Variants in VPS26A observed in about 807,000 individuals in gnomAD.
VPS26A encodes the protein vacuolar protein sorting-associated protein 26A.
In VPS26A, 22 loss-of-function variants were observed where a neutral mutation model predicts 42.4. That is an observed-to-expected ratio of 0.52 (90% CI 0.37 to 0.74). The LOEUF (loss-of-function observed/expected upper bound fraction) is 0.74, where lower values mean the gene tolerates loss of function less well. VPS26A is among the 30% of genes least tolerant of loss of function. The pLI is 0.00. For missense variants in VPS26A, 276 were observed against 379.2 expected (o/e 0.73, Z 2.26); for synonymous variants, 110 against 123.5 (o/e 0.89, Z 0.73).
intron 2 of VPS26A, among the ~76,000 whole-genome samples, chr10:69,145,024 TAATTA>T (rs775916743): frequency 6.6e-6 from 1 of 152,044 alleles, no homozygotes; most frequent in Non-Finnish European, 1.5e-5. Context: ...AAATGTTATT[TAATTA>T]AATTAATTAA....
chr10:69,143,094 C>T (rs1841079531), intron 2 of VPS26A, among the ~76,000 whole-genome samples: 2 of 152,018 alleles, frequency 1.3e-5, no homozygotes. Context: ...GAAAAGAAAG[C>T]TTAAAGGAAA....
At chr10:69,130,382 G>C (rs1840749555) in intron 1 of VPS26A, among the ~76,000 whole-genome samples, 2 of 152,170 alleles carry the variant, frequency 1.3e-5, no homozygotes, top group South Asian at 4.1e-4. Context: ...GGGTGAATTA[G>C]GTTAAGAATA....
At chr10:69,133,947 A>G (rs1163846292) in intron 2 of VPS26A, among the ~76,000 whole-genome samples, 2 of 152,156 alleles carry the variant, frequency 1.3e-5, no homozygotes, top group African/African-American at 2.4e-5. Context: ...TAGGCCTACA[A>G]AAGTGCTGGG....
At chr10:69,167,639 A>G (rs191045891) in intron 7 of VPS26A, among the ~76,000 whole-genome samples, 66 of 146,720 alleles carry the variant, frequency 4.5e-4, no homozygotes, top group African/African-American at 1.7e-3. Context: ...GCTACTCGGG[A>G]GGCTGAGGCA....
At chr10:69,159,556 T>A (rs894150580) in intron 5 of VPS26A, among the ~76,000 whole-genome samples, 13 of 152,238 alleles carry the variant, frequency 8.5e-5, no homozygotes, top group African/African-American at 3.1e-4. Context: ...AATGATATTC[T>A]GTTGTTAACA....
chr10:69,138,524 T>G (rs535953618), intron 2 of VPS26A, among the ~76,000 whole-genome samples: 3 of 152,330 alleles, frequency 2.0e-5, no homozygotes, highest in Admixed American at 2.0e-4. Flanking sequence ...GCTTCATACC[T>G]GCACTCAGCC....
At chr10:69,155,665 A>G (rs964024556) in intron 2 of VPS26A, 147 bp from the exon 3 acceptor site, 17 of 667,772 alleles carry the variant, frequency 2.5e-5, no homozygotes, top group South Asian at 2.1e-4. Context: ...GTGCTATAAC[A>G]TCATCCTGAT....
chr10:69,150,620 A>T (rs760914656), intron 2 of VPS26A, among the ~76,000 whole-genome samples: 11 of 142,248 alleles, frequency 7.7e-5, no homozygotes, highest in Non-Finnish European at 1.5e-4. Context: ...GATGGTCTAG[A>T]TCTCCTGACC....
intron 2 of VPS26A, among the ~76,000 whole-genome samples, chr10:69,140,862 A>G (rs1237678207): frequency 1.3e-5 from 2 of 152,144 alleles, no homozygotes; most frequent in African/African-American, 4.8e-5. Flanking sequence ...TATATGAGTA[A>G]TTTGGGAGTT....
At chr10:69,129,352 A>G (rs929549551) in intron 1 of VPS26A, among the ~76,000 whole-genome samples, 3 of 152,144 alleles carry the variant, frequency 2.0e-5, no homozygotes, top group African/African-American at 4.8e-5. Flanking sequence ...AGAATTTACC[A>G]TTTTGAGTTT....
chr10:69,141,638 T>C (rs1309960732), intron 2 of VPS26A, among the ~76,000 whole-genome samples: 1 of 152,236 alleles, frequency 6.6e-6, no homozygotes, highest in Non-Finnish European at 1.5e-5. Context: ...GATCAGATTT[T>C]ATCCTAAAAT....
At chr10:69,166,393 A>T (rs1841688223) in intron 7 of VPS26A, among the ~76,000 whole-genome samples, 1 of 152,110 alleles carries the variant, frequency 6.6e-6, no homozygotes, top group South Asian at 2.1e-4. Context: ...GTCTTCTATT[A>T]TACAATAGTT....
chr10:69,155,861 T>G lies in VPS26A; in HGVS notation c.203T>G (p.Ile68Ser). The G allele has an allele frequency of 6.2e-7, 1 of 1,612,208 alleles. No homozygotes were observed. The highest frequency in any genetic ancestry group is 8.5e-7 in the Non-Finnish European group (1 of 1,179,014). ...QPGKRLEHQG[I>S]RIEFVGQIEL... Reference sequence around the variant, plus strand: ...GGAAAGAGGCTAGAACACCAAGGAATTAGAATTGAATTTGTAGGTCAAATT... The same window carrying G: ...GGAAAGAGGCTAGAACACCAAGGAAGTAGAATTGAATTTGTAGGTCAAATT... Residue 68 changes from isoleucine to serine, a missense_variant, in exon 3 of 9, where the codon ATT becomes AGT. Ile to Ser is a moderately radical substitution (Grantham distance 142). Transcript: ENST00000263559.
chr10:69,164,274 A>G (rs944187856), intron 6 of VPS26A, among the ~76,000 whole-genome samples: 8 of 150,830 alleles, frequency 5.3e-5, no homozygotes, highest in African/African-American at 1.2e-4. Flanking sequence ...CTGGAGTGCA[A>G]TGGTACAATT....
intron 5 of VPS26A, among the ~76,000 whole-genome samples, chr10:69,160,552 A>G (rs933383392): frequency 6.6e-6 from 1 of 151,564 alleles, no homozygotes; most frequent in African/African-American, 2.4e-5. Flanking sequence ...CCTGAGTTCA[A>G]GCAATTCTCC....
At chr10:69,157,845 C>A (rs1232062801) in intron 4 of VPS26A, among the ~76,000 whole-genome samples, 2 of 152,102 alleles carry the variant, frequency 1.3e-5, no homozygotes, top group African/African-American at 4.8e-5. Context: ...TTACACTATT[C>A]TTAAAATTGA....
intron 1 of VPS26A, 86 bp from the exon 2 acceptor site, chr10:69,132,812 C>G (rs10998592): frequency 7.7e-7 from 1 of 1,296,288 alleles, no homozygotes; most frequent in Non-Finnish European, 1.1e-6. Context: ...TCTATTTAAC[C>G]GTAGTTCATA....
intron 4 of VPS26A, 128 bp downstream of exon 4, chr10:69,157,291 A>G (rs1336028979): frequency 3.2e-6 from 4 of 1,247,826 alleles, no homozygotes; most frequent in Non-Finnish European, 3.2e-6. Flanking sequence ...AAATTCTGTC[A>G]CATACTTTGG....
chr10:69,127,299 C>T (rs1840678743), intron 1 of VPS26A, among the ~76,000 whole-genome samples: 1 of 149,134 alleles, frequency 6.7e-6, no homozygotes, highest in Admixed American at 6.7e-5. Flanking sequence ...GTTGGTCGGG[C>T]GTGGTGCACT....
Sources: gnomAD v4.1 joint callset for allele counts (sites outside exome capture counted in the v4.1 genomes callset) on GRCh38, gnomAD v4.1.1 for gene constraint, MANE v1.5 for transcripts, NCBI Gene and HGNC (gene_info 2026-07-23, HGNC 2026-07-21) for gene names.